Variants in PRKD1 observed in about 807,000 individuals in gnomAD.
The protein encoded by PRKD1 is protein kinase D1.
In PRKD1, 63 loss-of-function variants were observed where a neutral mutation model predicts 95.9. The ratio of observed to expected loss-of-function variants is 0.66; its 90% CI spans 0.54 to 0.81. PRKD1 has a LOEUF of 0.81. PRKD1 is among the 30% of genes least tolerant of loss of function. The pLI is 0.00. For missense variants in PRKD1, 1,048 were observed against 1,165.3 expected (o/e 0.90, Z 1.47); for synonymous variants, 425 against 423.1 (o/e 1.00, Z -0.05).
chr14:29,871,935 T>C (rs1893123441), intron 1 of PRKD1, among the ~76,000 whole-genome samples: 1 of 152,230 alleles, frequency 6.6e-6, no homozygotes, highest in African/African-American at 2.4e-5. Flanking sequence ...GAAAGGGGTG[T>C]GTGAAAGATG....
intron 16 of PRKD1, chr14:29,592,683 T>C (rs963059675): frequency 2.0e-5 from 3 of 152,030 alleles, no homozygotes; most frequent in African/African-American, 7.2e-5. Flanking sequence ...TCCAGAACAA[T>C]CTCATTTAAT....
chr14:29,743,787 C>T (rs1040587445), intron 1 of PRKD1, among the ~76,000 whole-genome samples: 11 of 152,192 alleles, frequency 7.2e-5, no homozygotes, highest in Non-Finnish European at 1.5e-4. Flanking sequence ...ACATTGCCAG[C>T]TTCTATGGGT....
At chr14:29,793,326 C>CA (rs979370303) in intron 1 of PRKD1, among the ~76,000 whole-genome samples, 4 of 151,700 alleles carry the variant, frequency 2.6e-5, no homozygotes, top group African/African-American at 4.8e-5. Context: ...GCAAATTTTT[C>CA]AAAAAACATC....
chr14:29,689,664 G>T (rs981430777), intron 2 of PRKD1, among the ~76,000 whole-genome samples: 6 of 152,156 alleles, frequency 3.9e-5, no homozygotes, highest in African/African-American at 1.4e-4. Flanking sequence ...CTATAAAGAT[G>T]CATGGACGTG....
chr14:29,634,896 A>G (rs1176120952), intron 7 of PRKD1, among the ~76,000 whole-genome samples: 1 of 152,012 alleles, frequency 6.6e-6, no homozygotes, highest in African/African-American at 2.4e-5. Flanking sequence ...TCAGCTGGGC[A>G]TGTTGGCGGG....
chr14:29,870,845 G>C (rs1893079939), intron 1 of PRKD1, among the ~76,000 whole-genome samples: 1 of 152,136 alleles, frequency 6.6e-6, no homozygotes, highest in Non-Finnish European at 1.5e-5. Flanking sequence ...TATAATTACA[G>C]ACTTTAGCTC....
chr14:29,899,560 T>C (rs1486116273), intron 1 of PRKD1, among the ~76,000 whole-genome samples: 1 of 152,128 alleles, frequency 6.6e-6, no homozygotes, highest in Non-Finnish European at 1.5e-5. Flanking sequence ...AGCATGAGAA[T>C]TGCTTGAACC....
At chr14:29,579,568 T>C (rs890160169) in intron 16 of PRKD1, among the ~76,000 whole-genome samples, 1 of 152,134 alleles carries the variant, frequency 6.6e-6, no homozygotes, top group Non-Finnish European at 1.5e-5. Context: ...TGTATGGACC[T>C]GAAGATACAG....
chr14:29,736,734 C>T (rs1886732334), intron 1 of PRKD1, among the ~76,000 whole-genome samples: 2 of 152,186 alleles, frequency 1.3e-5, no homozygotes, highest in South Asian at 4.1e-4. Context: ...CTACCCTATG[C>T]TGGAAACCTT....
chr14:29,683,698 G>C (rs1883672304), intron 2 of PRKD1, among the ~76,000 whole-genome samples: 1 of 152,160 alleles, frequency 6.6e-6, no homozygotes, highest in Non-Finnish European at 1.5e-5. Context: ...TAAAATATGG[G>C]CTGAAAAATA....
intron 1 of PRKD1, among the ~76,000 whole-genome samples, chr14:29,857,376 C>T (rs1241592894): frequency 6.6e-6 from 1 of 152,020 alleles, no homozygotes; most frequent in African/African-American, 2.4e-5. Flanking sequence ...AAAAGAAACA[C>T]CAGTTTTTTC....
chr14:29,922,663 T>G (rs1895161269), intron 1 of PRKD1, among the ~76,000 whole-genome samples: 1 of 151,632 alleles, frequency 6.6e-6, no homozygotes. Context: ...GTGGGAGGAT[T>G]GCTTGAGGCC....
chr14:29,619,296 T>C (rs976827374), intron 13 of PRKD1, among the ~76,000 whole-genome samples: 2 of 152,110 alleles, frequency 1.3e-5, no homozygotes, highest in Non-Finnish European at 2.9e-5. Context: ...AATGACACAA[T>C]GAGGGTTTTT....
chr14:29,772,408 C>T (rs1186348524), intron 1 of PRKD1, among the ~76,000 whole-genome samples: 4 of 152,146 alleles, frequency 2.6e-5, no homozygotes, highest in African/African-American at 7.2e-5. Flanking sequence ...TCACTCAATT[C>T]CGAATCTGCT....
At chr14:29,915,572 G>A (rs1005069633) in intron 1 of PRKD1, among the ~76,000 whole-genome samples, 1 of 152,074 alleles carries the variant, frequency 6.6e-6, no homozygotes, top group Non-Finnish European at 1.5e-5. Context: ...GGTGGGAAGT[G>A]GGGGGGAATC....
At chr14:29,646,286 A>C (rs1421038646) in intron 4 of PRKD1, among the ~76,000 whole-genome samples, 1 of 152,080 alleles carries the variant, frequency 6.6e-6, no homozygotes, top group Non-Finnish European at 1.5e-5. Flanking sequence ...TGGGTGCAAA[A>C]AAATAGCACA....
intron 2 of PRKD1, among the ~76,000 whole-genome samples, chr14:29,721,895 A>C (rs1885916198): frequency 6.6e-6 from 1 of 152,112 alleles, no homozygotes; most frequent in Non-Finnish European, 1.5e-5. Context: ...AGCTCACACT[A>C]GTCATGTTTT....
At chr14:29,761,845 T>C (rs984370241) in intron 1 of PRKD1, among the ~76,000 whole-genome samples, 7 of 150,314 alleles carry the variant, frequency 4.7e-5, no homozygotes, top group Non-Finnish European at 7.4e-5. Context: ...TGCGGTGGCA[T>C]GATCCTAGCT....
chr14:29,767,472 C>A (rs1308315359), intron 1 of PRKD1, among the ~76,000 whole-genome samples: 2 of 152,146 alleles, frequency 1.3e-5, no homozygotes, highest in African/African-American at 4.8e-5. Flanking sequence ...ATCTCTCCAC[C>A]TCATGCTGGT....
Sources: gnomAD v4.1 joint callset for allele counts (sites outside exome capture counted in the v4.1 genomes callset) on GRCh38, gnomAD v4.1.1 for gene constraint, MANE v1.5 for transcripts, NCBI Gene and HGNC (gene_info 2026-07-23, HGNC 2026-07-21) for gene names.